Variants in FGFR2 observed in about 807,000 individuals in gnomAD.
The protein encoded by FGFR2 is fibroblast growth factor receptor 2, also known as BEK fibroblast growth factor receptor.
In FGFR2, 19 loss-of-function variants were observed where a neutral mutation model predicts 95.9. That is an observed-to-expected ratio of 0.20 (90% CI 0.14 to 0.29). FGFR2 has a LOEUF of 0.29. Ranked by LOEUF, FGFR2 falls within the 10% of genes least tolerant of loss-of-function variation. The probability of loss-of-function intolerance (pLI) is 1.00; values close to 1 mark genes in which losing one functional copy is unlikely to be tolerated. For missense variants in FGFR2, 707 were observed against 1,056.9 expected (o/e 0.67, Z 4.59); for synonymous variants, 392 against 393.3 (o/e 1.00, Z 0.04).
intron 6 of FGFR2, among the ~76,000 whole-genome samples, chr10:121,522,074 T>C (rs762302241): frequency 2.6e-5 from 4 of 152,172 alleles, no homozygotes; most frequent in Non-Finnish European, 5.9e-5. Flanking sequence ...ATATGAGGTA[T>C]CTAAATTCAT....
At chr10:121,575,641 G>C (rs1352462526) in intron 2 of FGFR2, among the ~76,000 whole-genome samples, 1 of 151,962 alleles carries the variant, frequency 6.6e-6, no homozygotes, top group African/African-American at 2.4e-5. Flanking sequence ...GATCACCTGA[G>C]GTCAGGAGTT....
At chr10:121,498,772 A>AC (rs1452224998) in intron 11 of FGFR2, among the ~76,000 whole-genome samples, 167 bp from the exon 12 acceptor site, 1 of 152,232 alleles carries the variant, frequency 6.6e-6, no homozygotes, top group African/African-American at 2.4e-5. Context: ...ACAAAGGCCT[A>AC]CACAGGGAAC....
chr10:121,581,951 G>A (rs1356957376), intron 2 of FGFR2, among the ~76,000 whole-genome samples: 1 of 106,840 alleles, frequency 9.4e-6, no homozygotes, highest in African/African-American at 3.7e-5. Context: ...TTTTATTTTT[G>A]AGACAGAGTC....
At chr10:121,593,181 T>A (rs1164400394) in intron 2 of FGFR2, among the ~76,000 whole-genome samples, 2 of 152,160 alleles carry the variant, frequency 1.3e-5, no homozygotes, top group Non-Finnish European at 2.9e-5. Flanking sequence ...GCTTAAGTAT[T>A]ATGAATTACA....
At chr10:121,565,176 C>CAAAAAA (rs71865754) in intron 3 of FGFR2, among the ~76,000 whole-genome samples, 1 of 98,010 alleles carries the variant, frequency 1.0e-5, no homozygotes, top group Admixed American at 1.2e-4. Context: ...GTCAGTGGTA[C>CAAAAAA]AAAAAAAAAA....
intron 2 of FGFR2, among the ~76,000 whole-genome samples, chr10:121,575,118 T>C (rs1859511895): frequency 6.6e-6 from 1 of 152,258 alleles, no homozygotes; most frequent in Non-Finnish European, 1.5e-5. Context: ...TGGTAACCAT[T>C]AAAAATTATA....
intron 5 of FGFR2, among the ~76,000 whole-genome samples, chr10:121,545,222 G>C (rs1356776727): frequency 6.6e-6 from 1 of 152,218 alleles, no homozygotes; most frequent in African/African-American, 2.4e-5. Context: ...GCTCTCAACT[G>C]TATACCATGG....
intron 9 of FGFR2, among the ~76,000 whole-genome samples, chr10:121,514,571 A>G (rs750498479): frequency 1.2e-4 from 18 of 152,266 alleles, no homozygotes; most frequent in Non-Finnish European, 2.5e-4. Flanking sequence ...TGTAAATTGC[A>G]AAGAGGTTAA....
chr10:121,505,293 G>C (rs1483763458), intron 9 of FGFR2, among the ~76,000 whole-genome samples: 2 of 152,196 alleles, frequency 1.3e-5, no homozygotes, highest in Non-Finnish European at 2.9e-5. Context: ...ATCATTTTAG[G>C]ATTAGGAAGT....
At chr10:121,508,797 A>T (rs1848650016) in intron 9 of FGFR2, among the ~76,000 whole-genome samples, 1 of 152,224 alleles carries the variant, frequency 6.6e-6, no homozygotes, top group South Asian at 2.1e-4. Context: ...AGTCTAAGAA[A>T]CTATAGAATT....
chr10:121,504,290 ACCTGC>A (rs1235385538), intron 9 of FGFR2, among the ~76,000 whole-genome samples: 8 of 150,040 alleles, frequency 5.3e-5, no homozygotes, highest in Non-Finnish European at 1.5e-5. Flanking sequence ...TTATGGTTGT[ACCTGC>A]ACCTGTACTG....
At chr10:121,580,442 G>C (rs1860667606) in intron 2 of FGFR2, among the ~76,000 whole-genome samples, 1 of 145,110 alleles carries the variant, frequency 6.9e-6, no homozygotes, top group Non-Finnish European at 1.5e-5. Flanking sequence ...CGGTCTGCTT[G>C]AGGCTCACCA....
At chr10:121,572,909 G>C (rs1278243876) in intron 2 of FGFR2, among the ~76,000 whole-genome samples, 1 of 152,230 alleles carries the variant, frequency 6.6e-6, no homozygotes, top group Non-Finnish European at 1.5e-5. Flanking sequence ...AATCCTCGCT[G>C]TGTGTGAAGA....
Position 121,482,197 on chromosome 10 carries a change from G to A in FGFR2, c.2301+1501C>T, listed in dbSNP as rs545825441. 1.4e-5 allele frequency: 22 copies of A among 1,610,598 alleles called. No homozygotes were observed. The East Asian group carries it at 4.2e-4, about 31-fold the overall frequency. On this transcript the variant is annotated intron_variant, in intron 17 of 17. Coordinates refer to ENST00000358487, the MANE Select transcript of FGFR2 (RefSeq NM_000141.5). ...TCAGATCTGATAGGAAAAAAACAGG[G>A]ATATCAGTAGATTCCAAGTCTACAG...
In FGFR2 at chr10:121,546,909, C is replaced by T. The variant is rs1854601484; in HGVS notation, c.624+4381G>A. Among the ~76,000 whole-genome samples, 5 of 152,192 alleles carry T rather than the reference C, an allele frequency of 3.3e-5. No individual in the cohort carries two copies. The South Asian group carries it at 1.0e-3, about 32-fold the overall frequency. On this transcript the variant is annotated intron_variant, in intron 5 of 17. Coordinates refer to ENST00000358487, the MANE Select transcript of FGFR2 (RefSeq NM_000141.5). ...GAAAAATGTATCTTGGAAAACTTGA[C>T]ATTTTGCTTCTTCATTAAATAAACT...
intron 5 of FGFR2, among the ~76,000 whole-genome samples, chr10:121,540,253 C>G (rs2134637775): frequency 6.6e-6 from 1 of 152,258 alleles, no homozygotes; most frequent in Admixed American, 6.5e-5. Context: ...TCCTCACTGT[C>G]GCAGGTAAAA....
intron 12 of FGFR2, among the ~76,000 whole-genome samples, chr10:121,497,124 T>C (rs1846953579): frequency 1.0e-5 from 1 of 99,894 alleles, no homozygotes. Flanking sequence ...GAGCGAGACT[T>C]TGTCTCAAAA....
chr10:121,528,654 G>A (rs946903616), intron 6 of FGFR2, among the ~76,000 whole-genome samples: 3 of 152,170 alleles, frequency 2.0e-5, no homozygotes, highest in African/African-American at 7.2e-5. Context: ...ATGAGAGGCT[G>A]AACAATAAAT....
chr10:121,563,346 C>G (rs181574283), intron 4 of FGFR2, among the ~76,000 whole-genome samples: 395 of 152,100 alleles, frequency 2.6e-3, no homozygotes, highest in Middle Eastern at 6.8e-3. Context: ...TGCACTCCAG[C>G]CTGGGTGACA....
Sources: gnomAD v4.1 joint callset for allele counts (sites outside exome capture counted in the v4.1 genomes callset) on GRCh38, gnomAD v4.1.1 for gene constraint, MANE v1.5 for transcripts, NCBI Gene and HGNC (gene_info 2026-07-23, HGNC 2026-07-21) for gene names.